PHACTR3: variants seen among roughly 807,000 people sequenced by gnomAD.
PHACTR3 encodes protein phosphatase 1, regulatory subunit 123.
Under a neutral mutation model 66.8 loss-of-function variants are expected in PHACTR3, and 16 were observed. The observed-to-expected ratio is 0.24, with a 90% confidence interval of 0.16 to 0.36. The LOEUF (loss-of-function observed/expected upper bound fraction) is 0.36. Among genes scored for constraint, PHACTR3 ranks in the 10% least tolerant of loss-of-function variants. The pLI, the probability that PHACTR3 is intolerant of heterozygous loss-of-function variation, is 1.00. For synonymous variants in PHACTR3, 323 were observed against 292.1 expected (o/e 1.11, Z -1.08); for missense variants, 647 against 719.9 (o/e 0.90, Z 1.16).
intron 1 of PHACTR3, chr20:59,721,462 G>T (rs981741415): frequency 2.6e-5 from 4 of 152,736 alleles, no homozygotes; most frequent in African/African-American, 4.8e-5. Flanking sequence ...ATGGGGCGAT[G>T]GTGGGGGATG....
At position 59,605,436 on chromosome 20, in the gene PHACTR3, G is replaced by T. The variant is rs1233571624; in HGVS notation, c.118+304G>T. Among the ~76,000 whole-genome samples, 18 of 152,222 alleles carry T rather than the reference G, an allele frequency of 1.2e-4. 1 individual carries two copies. ...TTCCTCGGGTGCTGACCGGCTGGGG[G>T]AAGAGAGGCAGACCCGTGGCCGCCT... On this transcript the variant is annotated intron_variant, in intron 1 of 12. Coordinates refer to ENST00000371015, the MANE Select transcript of PHACTR3 (RefSeq NM_080672.5).
intron 1 of PHACTR3, among the ~76,000 whole-genome samples, chr20:59,686,479 ATGGTGATGATCATGGTTGTGATGATGG>A (rs1438349980): frequency 6.6e-6 from 1 of 152,220 alleles, no homozygotes; most frequent in Non-Finnish European, 1.5e-5. Context: ...TGCCATGATG[ATGGTGATGATCATGGTTGTGATGATGG>A]TGGTGATGAT....
At chr20:59,827,303 C>T (rs1021052747) in intron 8 of PHACTR3, among the ~76,000 whole-genome samples, 7 of 152,102 alleles carry the variant, frequency 4.6e-5, no homozygotes, top group African/African-American at 4.8e-5. Context: ...TGATTGGAGG[C>T]GAGACCCCTC....
chr20:59,845,282 T>G lies in PHACTR3; in HGVS notation c.1664+17T>G. The G allele has an allele frequency of 1.3e-6, 2 of 1,530,438 alleles. No homozygotes were observed. Among genetic ancestry groups the G allele is most frequent in the Non-Finnish European group, 1.8e-6 (2 of 1,106,778 alleles). The allele number at this position is 1,530,438 out of a possible 1,614,324, so 94.8% of individuals were successfully genotyped here. On this transcript the variant is annotated intron_variant, in intron 12 of 12. Transcript: ENST00000371015. ...CTTGACAAGGTCAGATTTGTTTCTGTGAATTTCATGGTACTTATTTTTGAA... is the reference window on the plus strand; with the variant it reads ...CTTGACAAGGTCAGATTTGTTTCTGGGAATTTCATGGTACTTATTTTTGAA...
At chr20:59,754,487 C>G (rs1423929340) in intron 3 of PHACTR3, among the ~76,000 whole-genome samples, 5 of 152,228 alleles carry the variant, frequency 3.3e-5, no homozygotes, top group Non-Finnish European at 7.3e-5. Context: ...AGGACTGTAT[C>G]TTACTAACCT....
chr20:59,604,052 T>TCCCCCGCC (rs1259899995), upstream of PHACTR3: 4 of 151,818 alleles, frequency 2.6e-5, no homozygotes, highest in African/African-American at 9.8e-5. Flanking sequence ...CTCCTCCCTC[T>TCCCCCGCC]CCCCCGCCCC....
intron 1 of PHACTR3, among the ~76,000 whole-genome samples, chr20:59,697,292 G>A (rs1174830704): frequency 1.3e-5 from 2 of 152,160 alleles, no homozygotes; most frequent in Non-Finnish European, 2.9e-5. Flanking sequence ...CTCAGCATGC[G>A]ATTGCATCAT....
intron 1 of PHACTR3, among the ~76,000 whole-genome samples, chr20:59,607,259 G>A (rs147689257): frequency 2.2e-4 from 34 of 152,218 alleles, no homozygotes; most frequent in African/African-American, 7.5e-4. Flanking sequence ...TCTCCTGCTG[G>A]GTGTTACTCA....
rs567250000 is a variant in PHACTR3, at chr20:59,755,074, G to A, written c.359-108G>A. On this transcript the variant is annotated intron_variant, in intron 3 of 12. Coordinates refer to ENST00000371015, the MANE Select transcript of PHACTR3 (RefSeq NM_080672.5). ...GTGTGGTGAGGGGGAGAGGGGTGGG[G>A]GACCACCCAGAGCCTAGAATGGATA... 4.5e-5 allele frequency: 51 copies of A among 1,145,538 alleles called. 1 individual carries two copies. In the South Asian group the frequency reaches 6.0e-4, roughly 13 times the overall value. The allele number at this position is 1,145,538 out of a possible 1,614,324, so 71.0% of individuals were successfully genotyped here.
At chr20:59,777,403 G>C (rs987556464) in intron 7 of PHACTR3, among the ~76,000 whole-genome samples, 1 of 151,958 alleles carries the variant, frequency 6.6e-6, no homozygotes, top group African/African-American at 2.4e-5. Flanking sequence ...TCTTCTCATT[G>C]AGCTAAAGCT....
intron 1 of PHACTR3, among the ~76,000 whole-genome samples, chr20:59,742,606 G>A (rs1169763958): frequency 6.6e-6 from 1 of 152,168 alleles, no homozygotes; most frequent in African/African-American, 2.4e-5. Flanking sequence ...GGCAGGCAGA[G>A]GTCTTTGCGG....
chr20:59,810,562 C>T (rs762192730), intron 8 of PHACTR3, among the ~76,000 whole-genome samples: 1 of 152,216 alleles, frequency 6.6e-6, no homozygotes, highest in Non-Finnish European at 1.5e-5. Context: ...GTAATTCAGC[C>T]TCTGGTTGCC....
chr20:59,598,393 G>A (rs1402096579), intron 1 of PHACTR3, among the ~76,000 whole-genome samples: 1 of 152,184 alleles, frequency 6.6e-6, no homozygotes, highest in African/African-American at 2.4e-5. Flanking sequence ...CTTACACACG[G>A]AGGCTCAGCG....
chr20:59,813,299 T>C (rs550412917), intron 8 of PHACTR3, among the ~76,000 whole-genome samples: 1 of 152,220 alleles, frequency 6.6e-6, no homozygotes, highest in Non-Finnish European at 1.5e-5. Context: ...CGGTTTCTCT[T>C]GTCACAGTTA....
intron 1 of PHACTR3, among the ~76,000 whole-genome samples, chr20:59,673,995 C>T (rs963240185): frequency 3.3e-5 from 5 of 152,180 alleles, no homozygotes; most frequent in South Asian, 4.1e-4. Context: ...GGAAATCCCG[C>T]GCTGGTCTCC....
At chr20:59,618,031 A>G (rs904414935) in intron 1 of PHACTR3, among the ~76,000 whole-genome samples, 17 of 152,208 alleles carry the variant, frequency 1.1e-4, no homozygotes, top group South Asian at 2.1e-4. Context: ...AGGGGTTGGC[A>G]TATCTGGGGA....
intron 1 of PHACTR3, among the ~76,000 whole-genome samples, chr20:59,674,110 G>T (rs757681165): frequency 6.6e-6 from 1 of 152,132 alleles, no homozygotes; most frequent in Non-Finnish European, 1.5e-5. Flanking sequence ...AGCCAGCCTC[G>T]GCTGTCAGTG....
chr20:59,682,498 A>C (rs1346472394), intron 1 of PHACTR3, among the ~76,000 whole-genome samples: 1 of 152,216 alleles, frequency 6.6e-6, no homozygotes, highest in African/African-American at 2.4e-5. Flanking sequence ...GGAGAGGACA[A>C]TGAACGGCAC....
intron 7 of PHACTR3, among the ~76,000 whole-genome samples, chr20:59,775,741 TG>T (rs1459634218): frequency 6.6e-6 from 1 of 152,136 alleles, no homozygotes; most frequent in Non-Finnish European, 1.5e-5. Flanking sequence ...CGTTAGGCCC[TG>T]GAATCCTTGC....
Sources: gnomAD v4.1 joint callset for allele counts (sites outside exome capture counted in the v4.1 genomes callset) on GRCh38, gnomAD v4.1.1 for gene constraint, MANE v1.5 for transcripts, NCBI Gene and HGNC (gene_info 2026-07-23, HGNC 2026-07-21) for gene names.